Variants in CTNNA1 observed in about 807,000 individuals in gnomAD.
CTNNA1 encodes the protein catenin alpha-1.
A neutral mutation model predicts 98.4 loss-of-function variants in CTNNA1; 37 were observed. The ratio of observed to expected loss-of-function variants is 0.38; its 90% CI spans 0.29 to 0.49. The LOEUF (loss-of-function observed/expected upper bound fraction) is 0.49, where lower values mean the gene tolerates loss of function less well. Among genes scored for constraint, CTNNA1 ranks in the 20% least tolerant of loss-of-function variants. The pLI, the probability that CTNNA1 is intolerant of heterozygous loss-of-function variation, is 0.95. For synonymous variants in CTNNA1, 404 were observed against 413.2 expected, an observed-to-expected ratio of 0.98 and a Z score of 0.27; for missense variants, 761 against 1,147.2, an observed-to-expected ratio of 0.66 and a Z score of 4.86.
chr5:138,920,664 T>C (rs1762749617), intron 11 of CTNNA1, among the ~76,000 whole-genome samples: 1 of 152,228 alleles, frequency 6.6e-6, no homozygotes, highest in Admixed American at 6.5e-5. Flanking sequence ...AGAGGTTTTA[T>C]GTAGTATTTG....
intron 7 of CTNNA1, among the ~76,000 whole-genome samples, chr5:138,843,193 T>C (rs1276120111): frequency 1.3e-5 from 2 of 152,262 alleles, no homozygotes; most frequent in Non-Finnish European, 2.9e-5. Flanking sequence ...GAAAAACCAA[T>C]GGAAAGGTGA....
Position 138,934,046 on chromosome 5 carries a change from C to T in CTNNA1, c.2678C>T (p.Pro893Leu), listed in dbSNP as rs973328870. 13 of 1,613,676 alleles carry T rather than the reference C, an allele frequency of 8.1e-6. No homozygotes were observed. The Admixed American group carries it at 8.3e-5, about 10-fold the overall frequency. Residue 893 changes from proline (P) to leucine (L), a missense_variant, in exon 18 of 18, where the codon CCG (proline) becomes CTG (leucine). Physicochemically the swap from Pro to Leu is moderately conservative, Grantham distance 98 (BLOSUM62 -3). Coordinates refer to ENST00000302763, the MANE Select transcript of CTNNA1 (RefSeq NM_001903.5). ...KRASQKKHVN[P>L]VQALSEFKAM... The stretch of plus-strand genomic sequence containing the variant: ...GCATCTCAGAAGAAGCACGTGAACC[C>T]GGTGCAGGCCCTCAGCGAGTTCAAA...
chr5:138,894,281 CTTTTT>C (rs539073038), intron 9 of CTNNA1, among the ~76,000 whole-genome samples: 1 of 123,942 alleles, frequency 8.1e-6, no homozygotes. Context: ...TTTTCTTTCT[CTTTTT>C]TTTTTTTTTT....
At chr5:138,882,226 C>T (rs1753064698) in intron 7 of CTNNA1, among the ~76,000 whole-genome samples, 1 of 152,156 alleles carries the variant, frequency 6.6e-6, no homozygotes, top group Non-Finnish European at 1.5e-5. Flanking sequence ...GGTTGGCTAG[C>T]AGAAGCTTCC....
intron 7 of CTNNA1, among the ~76,000 whole-genome samples, chr5:138,843,119 T>C (rs960991768): frequency 3.3e-5 from 5 of 152,340 alleles, no homozygotes; most frequent in South Asian, 4.1e-4. Flanking sequence ...TTAGGAGGAA[T>C]GGTTACATAC....
At chr5:138,881,799 T>A (rs1294648866) in intron 7 of CTNNA1, among the ~76,000 whole-genome samples, 1 of 152,184 alleles carries the variant, frequency 6.6e-6, no homozygotes, top group South Asian at 2.1e-4. Flanking sequence ...GCTGAGGAGG[T>A]ATTTTATCTA....
intron 10 of CTNNA1, among the ~76,000 whole-genome samples, chr5:138,908,058 A>T (rs888301951): frequency 1.3e-5 from 2 of 151,398 alleles, no homozygotes; most frequent in Non-Finnish European, 2.9e-5. Context: ...GCTCACTGCA[A>T]CCTCCGCCTC....
intron 7 of CTNNA1, among the ~76,000 whole-genome samples, chr5:138,866,077 A>T (rs1436360273): frequency 6.6e-6 from 1 of 152,154 alleles, no homozygotes; most frequent in Non-Finnish European, 1.5e-5. Context: ...TTGTGGGCTG[A>T]GGCGAGTGGA....
chr5:138,763,518 A>G (rs956636603), intron 1 of CTNNA1, among the ~76,000 whole-genome samples: 1 of 152,060 alleles, frequency 6.6e-6, no homozygotes, highest in Admixed American at 6.6e-5. Flanking sequence ...AATTTTTTAC[A>G]TTTTTAGTAG....
At chr5:138,781,045 T>C (rs1245254151) in intron 1 of CTNNA1, among the ~76,000 whole-genome samples, 3 of 152,216 alleles carry the variant, frequency 2.0e-5, no homozygotes. Flanking sequence ...TAAGTGTGAT[T>C]TGAAATTTCT....
chr5:138,894,641 C>CTGATTATGATTA lies in CTNNA1; in HGVS notation c.1296+7029_1296+7040dup, dbSNP rs111801577. Among the ~76,000 whole-genome samples the CTGATTATGATTA allele has an allele frequency of 9.9e-4, 149 of 150,882 alleles. 1 individual carries two copies. The highest frequency in any genetic ancestry group is 4.7e-3 in the East Asian group (24 of 5,138). ...CTCACTGGGCTTCTGTAGCAGCCTC[C>CTGATTATGATTA]TGATTATGATTATGATTATGATTAT... is the stretch of plus-strand genomic sequence containing the variant. On this transcript the variant is annotated intron_variant, in intron 9 of 17. Coordinates refer to ENST00000302763, the MANE Select transcript of CTNNA1 (RefSeq NM_001903.5).
intron 7 of CTNNA1, among the ~76,000 whole-genome samples, chr5:138,881,489 A>G (rs1752892041): frequency 6.6e-6 from 1 of 152,196 alleles, no homozygotes; most frequent in Admixed American, 6.5e-5. Context: ...ACTCATGAAG[A>G]CATGTATTGA....
At chr5:138,871,885 A>G (rs976112966) in intron 7 of CTNNA1, 3 of 152,186 alleles carry the variant, frequency 2.0e-5, no homozygotes, top group African/African-American at 7.2e-5. Flanking sequence ...ATACAATAAG[A>G]ATCAGTGTTA....
intron 1 of CTNNA1, among the ~76,000 whole-genome samples, chr5:138,779,726 T>G (rs954585304): frequency 1.3e-5 from 2 of 151,476 alleles, no homozygotes; most frequent in East Asian, 1.9e-4. Flanking sequence ...TGTTTTTGTT[T>G]TTTTTTTGAG....
chr5:138,871,055 G>T (rs571035735), intron 7 of CTNNA1: 142 of 152,270 alleles, frequency 9.3e-4, no homozygotes, highest in African/African-American at 3.2e-3. Flanking sequence ...ACCGAGAGAT[G>T]TTAGGTGAAG....
At chr5:138,933,104 C>T (rs918123960) in intron 17 of CTNNA1, 31 of 655,170 alleles carry the variant, frequency 4.7e-5, no homozygotes, top group African/African-American at 1.8e-4. Flanking sequence ...ACTGCACTCC[C>T]GTCTGGGCAA....
Position 138,874,333 on chromosome 5 carries a change from G to C in CTNNA1, c.1063-11879G>C, listed in dbSNP as rs183535931. 4 of 1,613,892 alleles carry C rather than the reference G, an allele frequency of 2.5e-6. No homozygotes were observed. Among genetic ancestry groups the C allele is most frequent in the Non-Finnish European group, 3.4e-6 (4 of 1,179,892 alleles). ...TGAAGCTGGCAAATTGATCTCTTTC[G>C]AGCTCTGTGATGTGATTGTGCCTCA... On this transcript the variant is annotated intron_variant, in intron 7 of 17. Transcript: ENST00000302763. This position sits in a 1 kb window ranked among gnomAD's most constrained non-coding sequence, Gnocchi z 4.1.
intron 8 of CTNNA1, 27 bp from the exon 9 acceptor site, chr5:138,887,463 A>G: frequency 2.6e-6 from 4 of 1,555,178 alleles, no homozygotes; most frequent in Non-Finnish European, 3.5e-6. Flanking sequence ...TAGAAATAAA[A>G]TCAAATTTTT....
At chr5:138,868,447 G>A (rs1400450021) in intron 7 of CTNNA1, among the ~76,000 whole-genome samples, 1 of 152,150 alleles carries the variant, frequency 6.6e-6, no homozygotes, top group East Asian at 1.9e-4. Context: ...CTCCCTCCTA[G>A]GAGTGGCATG....
Sources: gnomAD v4.1 joint callset for allele counts (sites outside exome capture counted in the v4.1 genomes callset) on GRCh38, gnomAD v4.1.1 for gene constraint, Gnocchi (gnomAD v3.1) non-coding constraint, MANE v1.5 for transcripts, NCBI Gene and HGNC (gene_info 2026-07-23, HGNC 2026-07-21) for gene names.